The following DNAH7 variants were observed in gnomAD, a reference collection of about 807,000 sequenced individuals.
The protein encoded by DNAH7 is axonemal beta dynein heavy chain 7.
DNAH7 carries 397 observed loss-of-function variants against 444.6 expected under a neutral mutation model. The observed-to-expected ratio is 0.89, with a 90% CI of 0.82 to 0.97. The LOEUF (loss-of-function observed/expected upper bound fraction) is 0.97. Among genes scored for constraint, DNAH7 ranks in the 50% least tolerant of loss-of-function variants. DNAH7 has a pLI of 0.00. For missense variants in DNAH7, 4,902 were observed against 4,800.8 expected, an observed-to-expected ratio of 1.02 and a Z score of -0.62; for synonymous variants, 1,636 against 1,624.4, an observed-to-expected ratio of 1.01 and a Z score of -0.17.
At chr2:195,965,987 T>C (rs1691448337) in intron 17 of DNAH7, among the ~76,000 whole-genome samples, 3 of 152,124 alleles carry the variant, frequency 2.0e-5, no homozygotes, top group Admixed American at 2.0e-4. Context: ...TTCTTTTCTC[T>C]ACTGATTTTG....
chr2:195,832,440 CTT>C (rs1343959756), intron 48 of DNAH7, among the ~76,000 whole-genome samples: 1 of 150,266 alleles, frequency 6.7e-6, no homozygotes, highest in Admixed American at 6.6e-5. Flanking sequence ...TTTTTTCTTT[CTT>C]TCTTTTTTTT....
At chr2:195,835,615 G>A (rs1254403316) in intron 47 of DNAH7, among the ~76,000 whole-genome samples, 1 of 152,126 alleles carries the variant, frequency 6.6e-6, no homozygotes, top group Non-Finnish European at 1.5e-5. Flanking sequence ...GGAGGCCGAG[G>A]TAGGCGGATC....
chr2:195,994,620 G>A lies in DNAH7; in HGVS notation c.1353+6084C>T, dbSNP rs984450221. ...GGAGTAAACCTCAATTGGTCCTTGG[G>A]TACTTGCCAAATGTATCTGTAGGCT... On this transcript the variant is annotated intron_variant, in intron 12 of 64. Transcript: ENST00000312428. 2.4e-5 allele frequency: 12 copies of A among 495,562 alleles called. 1 individual carries two copies. The highest frequency in any genetic ancestry group is 3.3e-4 in the Middle Eastern group (1 of 3,012). The allele number at this position is 495,562 out of a possible 1,614,324, so 30.7% of individuals were successfully genotyped here.
At chr2:195,901,836 T>C (rs4850644) in intron 27 of DNAH7, 1 of 152,148 alleles carries the variant, frequency 6.6e-6, no homozygotes, top group East Asian at 1.9e-4. Context: ...TTTTACAAAT[T>C]GTAAAGATAA....
Position 195,737,809 on chromosome 2 carries a change from A to ACTT in DNAH7, c.*109_*111dup, listed in dbSNP as rs1692723263. The stretch of plus-strand genomic sequence containing the variant: ...GCTCATAAGTAAATTCATAATTATA[A>ACTT]CTTTAGTCAAATGTATTTAAACAAA... On this transcript the variant is annotated 3_prime_UTR_variant, in exon 65 of 65. Coordinates refer to ENST00000312428, the MANE Select transcript of DNAH7 (RefSeq NM_018897.3). The ACTT allele has an allele frequency of 9.0e-6, 8 of 892,594 alleles. No homozygotes were observed. The highest frequency in any genetic ancestry group is 1.3e-5 in the Non-Finnish European group (8 of 594,824). The allele number at this position is 892,594 out of a possible 1,614,324, so 55.3% of individuals were successfully genotyped here. A position where few individuals can be genotyped will look rare whatever the true frequency, so the allele number is the denominator to read the frequency against.
chr2:195,996,673 G>A (rs746077734), intron 12 of DNAH7, among the ~76,000 whole-genome samples: 3 of 151,976 alleles, frequency 2.0e-5, no homozygotes, highest in Non-Finnish European at 2.9e-5. Context: ...TTATCCACCC[G>A]CCTCGCCCTC....
At chr2:195,768,794 T>C (rs1694706000) in intron 61 of DNAH7, among the ~76,000 whole-genome samples, 1 of 152,194 alleles carries the variant, frequency 6.6e-6, no homozygotes, top group South Asian at 2.1e-4. Context: ...TAAGTTTTAG[T>C]AGAGCTTTGA....
chr2:195,746,557 C>T (rs1035898450), intron 63 of DNAH7, among the ~76,000 whole-genome samples: 10 of 152,102 alleles, frequency 6.6e-5, no homozygotes, highest in Admixed American at 3.3e-4. Context: ...TTTTCAGCAC[C>T]GTAACACACC....
Position 195,864,735 on chromosome 2 carries a change from C to T in DNAH7, c.6920G>A (p.Ser2307Asn), listed in dbSNP as rs1190328379. 1.2e-6 allele frequency: 2 copies of T among 1,614,120 alleles called. No homozygotes were observed. Among genetic ancestry groups the T allele is most frequent in the African/African-American group, 2.7e-5 (2 of 75,030 alleles). Residue 2307 changes from serine to asparagine, a missense_variant, in exon 41 of 65, where the codon AGC (serine) becomes AAC (asparagine). Ser to Asn is a conservative substitution (Grantham distance 46). Coordinates refer to ENST00000312428, the MANE Select transcript of DNAH7 (RefSeq NM_018897.3). ...CAAGACAAGGTTCATGGGTTTTTTG[C>T]TTATATTGTTGTATTCTTCTAGGTG... is the stretch of plus-strand genomic sequence containing the variant. ...EIHLEEYNNI[S>N]KKPMNLVLFR...
chr2:195,852,507 T>C (rs1326725826), intron 46 of DNAH7, among the ~76,000 whole-genome samples: 2 of 152,316 alleles, frequency 1.3e-5, no homozygotes, highest in South Asian at 2.1e-4. Context: ...TTTTTTCTTT[T>C]AGTTATCTTA....
intron 46 of DNAH7, among the ~76,000 whole-genome samples, chr2:195,851,144 G>A (rs1559144301): frequency 6.6e-6 from 1 of 152,184 alleles, no homozygotes; most frequent in Non-Finnish European, 1.5e-5. Context: ...CCTGATGTTT[G>A]CCATCCAACC....
chr2:196,038,295 C>T (rs1361331172), intron 5 of DNAH7, among the ~76,000 whole-genome samples: 2 of 151,984 alleles, frequency 1.3e-5, no homozygotes, highest in Admixed American at 6.6e-5. Context: ...GGATGATATC[C>T]ACCATCATGA....
intron 36 of DNAH7, among the ~76,000 whole-genome samples, chr2:195,877,860 T>C (rs2125154688): frequency 6.6e-6 from 1 of 152,346 alleles, no homozygotes; most frequent in South Asian, 2.1e-4. Flanking sequence ...GGAAGTTCTT[T>C]AAAATCTTTG....
chr2:195,924,408 C>T (rs980986598), intron 22 of DNAH7, among the ~76,000 whole-genome samples: 1 of 152,140 alleles, frequency 6.6e-6, no homozygotes, highest in Non-Finnish European at 1.5e-5. Flanking sequence ...GCCTGACCAA[C>T]ATGGTGAAAC....
At chr2:195,828,316 G>A (rs565231932) in intron 48 of DNAH7, among the ~76,000 whole-genome samples, 1 of 152,236 alleles carries the variant, frequency 6.6e-6, no homozygotes, top group South Asian at 2.1e-4. Flanking sequence ...CGGGCACAGT[G>A]GCTCATGCCT....
rs745449105 is a variant in DNAH7 at position 195,881,808 on chromosome 2, CTT to C, written c.5946_5947del (p.Ser1983CysfsTer13). The stretch of plus-strand genomic sequence containing the variant: ...TGCAGTACTTACCGTAATGTAAACA[CTT>C]TTCCCAGTTCCTGTTGGTCCTACAA... On this transcript the variant is annotated frameshift_variant, in exon 36 of 65. Coordinates refer to ENST00000312428, the MANE Select transcript of DNAH7 (RefSeq NM_018897.3). LOFTEE classifies it high-confidence loss of function. 12 of 1,613,976 alleles carry C rather than the reference CTT, an allele frequency of 7.4e-6. No homozygotes were observed. The East Asian group carries it at 1.1e-4, about 15-fold the overall frequency.
At chr2:195,783,392 G>A (rs1450190081) in intron 58 of DNAH7, among the ~76,000 whole-genome samples, 1 of 152,110 alleles carries the variant, frequency 6.6e-6, no homozygotes, top group Non-Finnish European at 1.5e-5. Flanking sequence ...GGACTGGCAG[G>A]CCACACTCTC....
chr2:195,860,234 T>A (rs1293675761), intron 42 of DNAH7, among the ~76,000 whole-genome samples: 1 of 152,196 alleles, frequency 6.6e-6, no homozygotes, highest in Admixed American at 6.5e-5. Flanking sequence ...CTCATTTTTA[T>A]AATCCTTTTT....
intron 60 of DNAH7, among the ~76,000 whole-genome samples, chr2:195,772,488 T>G (rs1489367576): frequency 1.3e-5 from 2 of 152,204 alleles, no homozygotes; most frequent in African/African-American, 4.8e-5. Context: ...CATTTTTGTT[T>G]TTTATATTTA....
Sources: gnomAD v4.1 joint callset for allele counts (sites outside exome capture counted in the v4.1 genomes callset) on GRCh38, gnomAD v4.1.1 for gene constraint, MANE v1.5 for transcripts, NCBI Gene and HGNC (gene_info 2026-07-23, HGNC 2026-07-21) for gene names.